The following RELL1 variants were observed in gnomAD, a reference collection of about 807,000 sequenced individuals.
The protein encoded by RELL1 is RELT like 1.
In RELL1, 10 loss-of-function variants were observed where a neutral mutation model predicts 23.0. The ratio of observed to expected loss-of-function variants is 0.43; its 90% CI spans 0.27 to 0.74. The LOEUF (loss-of-function observed/expected upper bound fraction) is 0.74, where lower values mean the gene tolerates loss of function less well. Among genes scored for constraint, RELL1 ranks in the 30% least tolerant of loss-of-function variants. The pLI, the probability that RELL1 is intolerant of heterozygous loss-of-function variation, is 0.19. For missense variants in RELL1, 315 were observed against 364.4 expected, an observed-to-expected ratio of 0.86 and a Z score of 1.10; for synonymous variants, 146 against 146.8, an observed-to-expected ratio of 0.99 and a Z score of 0.04.
chr4:37,596,163 G>A (rs910821126), intron 6 of RELL1, among the ~76,000 whole-genome samples: 3 of 152,112 alleles, frequency 2.0e-5, no homozygotes, highest in African/African-American at 7.2e-5. Flanking sequence ...CCTCTTGCTC[G>A]CTGTGTGACC....
At chr4:37,670,808 G>A (rs1445846017) in intron 1 of RELL1, among the ~76,000 whole-genome samples, 5 of 152,048 alleles carry the variant, frequency 3.3e-5, no homozygotes, top group African/African-American at 7.2e-5. Flanking sequence ...TCCTGACCTC[G>A]TGATCTGCCC....
chr4:37,686,315 A>G lies in RELL1; in HGVS notation c.-28T>C. 1 of 1,470,290 alleles carries G rather than the reference A, an allele frequency of 6.8e-7. No individual in the cohort carries two copies. Among genetic ancestry groups the G allele is most frequent in the Non-Finnish European group, 9.0e-7 (1 of 1,114,048 alleles). The allele number at this position is 1,470,290 out of a possible 1,614,324, so 91.1% of individuals were successfully genotyped here. A position where few individuals can be genotyped will look rare whatever the true frequency, so the allele number is the denominator to read the frequency against. On this transcript the variant is annotated 5_prime_UTR_variant, in exon 1 of 7. Coordinates refer to ENST00000454158, the MANE Select transcript of RELL1 (RefSeq NM_001085400.2). ...CCGCGTCGCTTCGCCCTCCTCCCCC[A>G]GGGCGCCGCGTCCCGCGCTCGGGAA...
downstream of RELL1, among the ~76,000 whole-genome samples, chr4:37,587,540 T>TATG (rs1370612591): frequency 1.3e-5 from 2 of 152,180 alleles, no homozygotes; most frequent in Non-Finnish European, 2.9e-5. Flanking sequence ...GAAATTCACC[T>TATG]ATGATTGAAA....
At chr4:37,632,716 A>G (rs1720185919) in intron 5 of RELL1, among the ~76,000 whole-genome samples, 1 of 152,202 alleles carries the variant, frequency 6.6e-6, no homozygotes, top group African/African-American at 2.4e-5. Context: ...AAAATGGGTT[A>G]ATTTTCATTA....
chr4:37,615,193 TAGCTTTCTTCAAC>T (rs908189547), intron 6 of RELL1, among the ~76,000 whole-genome samples: 3 of 152,214 alleles, frequency 2.0e-5, no homozygotes, highest in Non-Finnish European at 4.4e-5. Context: ...ACAATCACAT[TAGCTTTCTTCAAC>T]AGCTGCCTTC....
At chr4:37,657,951 T>C (rs1339339331) in intron 1 of RELL1, among the ~76,000 whole-genome samples, 1 of 151,604 alleles carries the variant, frequency 6.6e-6, no homozygotes, top group Non-Finnish European at 1.5e-5. Context: ...ACACTAAACA[T>C]AAAAAGCAAT....
At chr4:37,651,052 T>A in intron 1 of RELL1, among the ~76,000 whole-genome samples, 1 of 96,534 alleles carries the variant, frequency 1.0e-5, no homozygotes. Flanking sequence ...AGAGCAAGAC[T>A]GTCTCAAAAA....
intron 1 of RELL1, among the ~76,000 whole-genome samples, chr4:37,673,189 T>TC (rs1234775516): frequency 1.9e-4 from 20 of 102,960 alleles, no homozygotes; most frequent in African/African-American, 6.8e-4. Flanking sequence ...TTTTTTTCTT[T>TC]TTTTTTTTTT....
At chr4:37,655,014 G>A (rs1230069207) in intron 1 of RELL1, among the ~76,000 whole-genome samples, 1 of 152,064 alleles carries the variant, frequency 6.6e-6, no homozygotes, top group Non-Finnish European at 1.5e-5. Flanking sequence ...TACCAAGATG[G>A]TAGACACTTT....
chr4:37,587,117 T>A (rs778770447), downstream of RELL1, among the ~76,000 whole-genome samples: 13 of 152,128 alleles, frequency 8.5e-5, no homozygotes, highest in Admixed American at 3.3e-4. Flanking sequence ...GTACTCTTGG[T>A]TTGTGACCTC....
chr4:37,677,741 C>T (rs182195097), intron 1 of RELL1, among the ~76,000 whole-genome samples: 40 of 152,300 alleles, frequency 2.6e-4, no homozygotes, highest in Non-Finnish European at 4.1e-4. Flanking sequence ...GAGCCCAAGG[C>T]AGGTGGATCA....
chr4:37,683,223 T>A (rs567037794), intron 1 of RELL1, among the ~76,000 whole-genome samples: 2 of 152,304 alleles, frequency 1.3e-5, no homozygotes, highest in East Asian at 3.9e-4. Context: ...ATTTTTCCTC[T>A]GCAGAGCAGT....
At chr4:37,652,385 G>A (rs776558744) in intron 1 of RELL1, among the ~76,000 whole-genome samples, 21 of 152,236 alleles carry the variant, frequency 1.4e-4, no homozygotes, top group Admixed American at 3.9e-4. Flanking sequence ...GCAATATACC[G>A]TCTAAGTTAG....
rs998260225 is a variant in RELL1, at chr4:37,592,326, G to A, written c.*4-1109C>T. On this transcript the variant is annotated intron_variant, in intron 6 of 6. Transcript: ENST00000314117. ...GGGCCAGGAATTCGAGACCAACCTGGGCAATTTAGCGAGACCCCATCTCTA... is the reference window on the plus strand; with the variant it reads ...GGGCCAGGAATTCGAGACCAACCTGAGCAATTTAGCGAGACCCCATCTCTA... Among the ~76,000 whole-genome samples, 5 of 148,838 alleles carry A rather than the reference G, an allele frequency of 3.4e-5. No individual in the cohort carries two copies. In the Admixed American group the frequency reaches 3.4e-4, roughly 10 times the overall value.
chr4:37,623,828 C>G (rs961152273), intron 6 of RELL1, among the ~76,000 whole-genome samples: 1 of 152,086 alleles, frequency 6.6e-6, no homozygotes, highest in Admixed American at 6.6e-5. Flanking sequence ...TCTGTTGCCC[C>G]GTAAGACCAG....
chr4:37,667,959 T>C (rs1721594435), intron 1 of RELL1, among the ~76,000 whole-genome samples: 1 of 151,562 alleles, frequency 6.6e-6, no homozygotes, highest in African/African-American at 2.4e-5. Flanking sequence ...CAATTGTGAA[T>C]GAAAAATGTT....
In RELL1 at chr4:37,628,954, G is replaced by A. The variant is rs148386221; in HGVS notation, c.*3+2431C>T. ...TCTATAATCAGAATCAGACAGATTC[G>A]GGCCAAAAAAACCAGCTGAGCAATC... On this transcript the variant is annotated intron_variant, in intron 6 of 6. Coordinates refer to ENST00000454158, the MANE Select transcript of RELL1 (RefSeq NM_001085400.2). 1.6e-3 allele frequency among the ~76,000 whole-genome samples: 238 copies of A among 152,178 alleles called. 1 individual carries two copies. The highest frequency in any genetic ancestry group is 4.8e-3 in the South Asian group (23 of 4,834).
intron 1 of RELL1, among the ~76,000 whole-genome samples, chr4:37,666,477 G>C (rs1721536866): frequency 2.0e-5 from 3 of 152,188 alleles, no homozygotes; most frequent in Non-Finnish European, 4.4e-5. Context: ...CCTTATATGA[G>C]ATTACTAGGG....
At chr4:37,617,701 T>C (rs965132339) in intron 6 of RELL1, among the ~76,000 whole-genome samples, 1 of 152,196 alleles carries the variant, frequency 6.6e-6, no homozygotes, top group Non-Finnish European at 1.5e-5. Context: ...TAGAATCGCT[T>C]GAACCTGGGA....
Sources: allele counts gnomAD v4.1 joint callset (sites outside exome capture counted in the v4.1 genomes callset), GRCh38; gene constraint gnomAD v4.1.1; transcripts MANE v1.5; gene names NCBI Gene and HGNC (gene_info 2026-07-23, HGNC 2026-07-21).